The following PSMD14 variants were observed in gnomAD, a reference collection of about 807,000 sequenced individuals.
PSMD14 encodes proteasome 26S subunit, non-ATPase 14.
In PSMD14, 7 loss-of-function variants were observed where a neutral mutation model predicts 41.2. The ratio of observed to expected loss-of-function variants is 0.17; its 90% CI spans 0.10 to 0.32. The LOEUF (loss-of-function observed/expected upper bound fraction) is 0.32, where lower values mean the gene tolerates loss of function less well. Ranked by LOEUF, PSMD14 falls within the 10% of genes least tolerant of loss-of-function variation. PSMD14 has a pLI of 1.00. For synonymous variants in PSMD14, 114 were observed against 122.3 expected (o/e 0.93, Z 0.45); for missense variants, 139 against 375.6 (o/e 0.37, Z 5.21).
At chr2:161,320,382 G>A (rs542714336) in intron 3 of PSMD14, among the ~76,000 whole-genome samples, 117 of 152,260 alleles carry the variant, frequency 7.7e-4, no homozygotes, top group African/African-American at 2.8e-3. Flanking sequence ...TGTCAATGGC[G>A]ACTTCAAAGC....
chr2:161,318,830 A>G lies in PSMD14; in HGVS notation c.5A>G (p.Asp2Gly). 1 of 1,612,896 alleles carries G rather than the reference A, an allele frequency of 6.2e-7. No homozygotes were observed. Among genetic ancestry groups the G allele is most frequent in the Non-Finnish European group, 8.5e-7 (1 of 1,179,212 alleles). ...TTGTTTCTGTTTTCTAGAAATATGG[A>G]CAGACTTCTTAGACTTGGAGGAGGT... MDRLLRLGGGMP... is the reference protein window; with the variant it reads MGRLLRLGGGMP... The change falls in exon 3 of 12, where the codon GAC becomes GGC. Residue 2 changes from aspartate (D) to glycine (G), a missense_variant. Asp to Gly is a moderately conservative substitution (Grantham distance 94). Around this residue, in one of 4 missense-constraint regions of PSMD14, gnomAD observed 24 missense variants for 55.3 expected, o/e 0.43. Coordinates refer to ENST00000409682, the MANE Select transcript of PSMD14 (RefSeq NM_005805.6).
intron 7 of PSMD14, among the ~76,000 whole-genome samples, chr2:161,376,843 A>C (rs377046567): frequency 6.6e-6 from 1 of 152,024 alleles, no homozygotes; most frequent in East Asian, 1.9e-4. Flanking sequence ...TTTTTAATAA[A>C]TGTTTATAAA....
At chr2:161,376,114 T>G (rs1349989190) in intron 7 of PSMD14, among the ~76,000 whole-genome samples, 4 of 149,414 alleles carry the variant, frequency 2.7e-5, no homozygotes, top group Non-Finnish European at 5.9e-5. Context: ...TACATATATA[T>G]ATATATACTC....
At chr2:161,381,105 C>G (rs1683565728) in intron 7 of PSMD14, among the ~76,000 whole-genome samples, 1 of 151,224 alleles carries the variant, frequency 6.6e-6, no homozygotes, top group Admixed American at 6.6e-5. Flanking sequence ...TGAATTTTTA[C>G]TTTTTTTCTT....
At chr2:161,375,426 A>G (rs905697990) in intron 7 of PSMD14, among the ~76,000 whole-genome samples, 5 of 152,070 alleles carry the variant, frequency 3.3e-5, no homozygotes, top group Admixed American at 1.3e-4. Flanking sequence ...TATTACTTGT[A>G]TAACAAACAC....
intron 3 of PSMD14, among the ~76,000 whole-genome samples, chr2:161,320,364 A>G (rs1362359239): frequency 2.0e-5 from 3 of 152,244 alleles, no homozygotes; most frequent in African/African-American, 4.8e-5. Flanking sequence ...AAATTGAGCT[A>G]CATTATATGT....
chr2:161,342,520 A>G (rs1044951295), intron 3 of PSMD14, among the ~76,000 whole-genome samples: 1 of 151,968 alleles, frequency 6.6e-6, no homozygotes, highest in Non-Finnish European at 1.5e-5. Context: ...CTAATGTGGT[A>G]TATCTTTTAC....
intron 10 of PSMD14, among the ~76,000 whole-genome samples, chr2:161,401,360 T>A (rs1429885788): frequency 6.6e-6 from 1 of 152,250 alleles, no homozygotes; most frequent in Admixed American, 6.5e-5. Flanking sequence ...TGTGACGGGT[T>A]AGCACCCATA....
chr2:161,314,405 A>G (rs1559035975), intron 1 of PSMD14, among the ~76,000 whole-genome samples: 1 of 152,382 alleles, frequency 6.6e-6, no homozygotes, highest in Non-Finnish European at 1.5e-5. Flanking sequence ...TTCACATAAT[A>G]TAAAACTAAC....
chr2:161,334,633 A>C (rs1238867626), intron 3 of PSMD14, among the ~76,000 whole-genome samples: 1 of 152,268 alleles, frequency 6.6e-6, no homozygotes, highest in East Asian at 1.9e-4. Context: ...TAAGAAAGAG[A>C]AAATGGGAAC....
At chr2:161,341,078 G>A (rs1682950134) in intron 3 of PSMD14, 11 of 1,539,006 alleles carry the variant, frequency 7.1e-6, no homozygotes, top group Non-Finnish European at 8.7e-6. Context: ...CAGGCTCCCC[G>A]AGCTCCCCCA....
intron 11 of PSMD14, among the ~76,000 whole-genome samples, chr2:161,410,370 C>T (rs2105274870): frequency 6.6e-6 from 1 of 151,836 alleles, no homozygotes; most frequent in Non-Finnish European, 1.5e-5. Context: ...GAAATAATTC[C>T]AATAATGAAC....
At chr2:161,330,405 T>C (rs1682771365) in intron 3 of PSMD14, among the ~76,000 whole-genome samples, 1 of 152,124 alleles carries the variant, frequency 6.6e-6, no homozygotes, top group African/African-American at 2.4e-5. Flanking sequence ...TGATCAAAGA[T>C]ACAATCTGTG....
In PSMD14 at chr2:161,395,064, C is replaced by CT. The variant is rs767948952; in HGVS notation, c.646-10dup. Reference sequence around the variant, plus strand: ...CAAGGCAGAAAAAGAATTACTTTTTCTTTTATTTTTTAGATGTTGCTAAAT... The same window carrying CT: ...CAAGGCAGAAAAAGAATTACTTTTTCTTTTTATTTTTTAGATGTTGCTAAAT... On this transcript the variant is annotated splice_polypyrimidine_tract_variant and intron_variant, in intron 9 of 11. Coordinates refer to ENST00000409682, the MANE Select transcript of PSMD14 (RefSeq NM_005805.6). 131 of 1,521,374 alleles carry CT rather than the reference C, an allele frequency of 8.6e-5. No individual in the cohort carries two copies. The highest frequency in any genetic ancestry group is 1.1e-4 in the Non-Finnish European group (127 of 1,137,756). The allele number at this position is 1,521,374 out of a possible 1,614,324, so 94.2% of individuals were successfully genotyped here.
chr2:161,390,736 G>A (rs1005551539), intron 8 of PSMD14, among the ~76,000 whole-genome samples: 2 of 151,988 alleles, frequency 1.3e-5, no homozygotes, highest in African/African-American at 4.8e-5. Context: ...GGCTTTTTAG[G>A]CTTTTCATTT....
intron 3 of PSMD14, among the ~76,000 whole-genome samples, chr2:161,323,546 C>T (rs1682641971): frequency 6.6e-6 from 1 of 151,930 alleles, no homozygotes; most frequent in Non-Finnish European, 1.5e-5. Context: ...ATCTGTAATC[C>T]CAGCTACTCA....
At chr2:161,359,625 G>A (rs1683261443) in intron 3 of PSMD14, among the ~76,000 whole-genome samples, 1 of 152,116 alleles carries the variant, frequency 6.6e-6, no homozygotes, top group South Asian at 2.1e-4. Flanking sequence ...AATATGGGGA[G>A]ACACTGAAGT....
At chr2:161,407,642 T>G (rs1157870676) in intron 10 of PSMD14, 1 of 152,126 alleles carries the variant, frequency 6.6e-6, no homozygotes, top group Non-Finnish European at 1.5e-5. Flanking sequence ...TGATTACATT[T>G]CCTACATGTT....
At chr2:161,394,414 A>G (rs572191037) in intron 9 of PSMD14, among the ~76,000 whole-genome samples, 1 of 152,340 alleles carries the variant, frequency 6.6e-6, no homozygotes, top group East Asian at 1.9e-4. Flanking sequence ...CCCTTAATTC[A>G]TAGATCTCTA....
Sources: gnomAD v4.1 joint callset for allele counts (sites outside exome capture counted in the v4.1 genomes callset) on GRCh38, gnomAD v4.1.1 for gene constraint, gnomAD v4.1.1 regional missense constraint, MANE v1.5 for transcripts, NCBI Gene and HGNC (gene_info 2026-07-23, HGNC 2026-07-21) for gene names.